The following TTC7B variants were observed in gnomAD, a reference collection of about 807,000 sequenced individuals.
TTC7B encodes tetratricopeptide repeat protein 7B.
Under a neutral mutation model 106.8 loss-of-function variants are expected in TTC7B, and 28 were observed. That is an observed-to-expected ratio of 0.26 (90% CI 0.19 to 0.36). The LOEUF (loss-of-function observed/expected upper bound fraction) is 0.36, where lower values mean the gene tolerates loss of function less well. Among genes scored for constraint, TTC7B ranks in the 10% least tolerant of loss-of-function variants. The pLI, the probability that TTC7B is intolerant of heterozygous loss-of-function variation, is 1.00. For missense variants in TTC7B, 862 were observed against 1,076.4 expected, an observed-to-expected ratio of 0.80 and a Z score of 2.79; for synonymous variants, 405 against 430.6, an observed-to-expected ratio of 0.94 and a Z score of 0.74.
chr14:90,651,986 T>C (rs538287083), intron 13 of TTC7B, among the ~76,000 whole-genome samples: 41 of 152,202 alleles, frequency 2.7e-4, no homozygotes, highest in Non-Finnish European at 4.9e-4. Context: ...ATATTTAAAG[T>C]GACAGGATCA....
intron 6 of TTC7B, among the ~76,000 whole-genome samples, chr14:90,693,102 G>A (rs1486340657): frequency 6.6e-6 from 1 of 152,006 alleles, no homozygotes; most frequent in African/African-American, 2.4e-5. Flanking sequence ...ATCTCCTACA[G>A]CATTTAAAGG....
chr14:90,610,609 GT>G, intron 17 of TTC7B, 132 bp downstream of exon 17: 1 of 683,538 alleles, frequency 1.5e-6, no homozygotes, highest in South Asian at 1.7e-5. Flanking sequence ...ATGCACCTCG[GT>G]TGAGTGTTTA....
At position 90,757,057 on chromosome 14, in the gene TTC7B, T is replaced by C. The variant is rs1486983335; in HGVS notation, c.446-12135A>G. ...GAATGGGAAGAGGCAGAAGAGATCATGGAGTCAGAGACAAACAGTTAGCAG... is the reference window on the plus strand; with the variant it reads ...GAATGGGAAGAGGCAGAAGAGATCACGGAGTCAGAGACAAACAGTTAGCAG... On this transcript the variant is annotated intron_variant, in intron 3 of 19. Transcript: ENST00000328459. The surrounding 1 kb of genome is among the most constrained non-coding windows in gnomAD (Gnocchi z 4.1). 6.6e-6 allele frequency among the ~76,000 whole-genome samples: 1 copy of C among 152,018 alleles called. No individual in the cohort carries two copies. Among genetic ancestry groups the C allele is most frequent in the Non-Finnish European group, 1.5e-5 (1 of 68,000 alleles).
intron 4 of TTC7B, among the ~76,000 whole-genome samples, chr14:90,741,934 C>T (rs950642521): frequency 1.3e-5 from 2 of 152,106 alleles, no homozygotes; most frequent in Admixed American, 6.6e-5. Flanking sequence ...AAAAAGAAAA[C>T]GCCAGAGCCA....
intron 5 of TTC7B, among the ~76,000 whole-genome samples, chr14:90,717,057 C>G (rs1888684194): frequency 6.6e-6 from 1 of 152,060 alleles, no homozygotes. Flanking sequence ...AGAAATAATC[C>G]AGCCAGGCGT....
chr14:90,709,524 CG>C (rs1566848764), intron 5 of TTC7B, among the ~76,000 whole-genome samples: 1 of 100,368 alleles, frequency 1.0e-5, no homozygotes, highest in Non-Finnish European at 1.9e-5. Flanking sequence ...CATCACACAC[CG>C]GGGACTGTTG....
chr14:90,770,072 C>G (rs1047920591), intron 3 of TTC7B, among the ~76,000 whole-genome samples: 2 of 152,072 alleles, frequency 1.3e-5, no homozygotes, highest in Non-Finnish European at 2.9e-5. Context: ...TCTCTTGAGC[C>G]CAGGAGTTCA....
intron 3 of TTC7B, among the ~76,000 whole-genome samples, chr14:90,754,656 C>T (rs1240538650): frequency 6.6e-6 from 1 of 152,104 alleles, no homozygotes; most frequent in African/African-American, 2.4e-5. Context: ...AGTATGTTCA[C>T]ATAGTCGCCA....
At chr14:90,678,128 T>C (rs988753797) in intron 8 of TTC7B, among the ~76,000 whole-genome samples, 39 of 152,340 alleles carry the variant, frequency 2.6e-4, no homozygotes, top group African/African-American at 9.1e-4. Flanking sequence ...ATGCATTCTT[T>C]TCATTTTTAG....
chr14:90,767,067 T>G, intron 3 of TTC7B: 138 of 714,922 alleles, frequency 1.9e-4, no homozygotes, highest in East Asian at 3.0e-4. Context: ...AGAAAAGAAA[T>G]TCTGGGCTGG....
chr14:90,626,040 C>T (rs1166433903), intron 15 of TTC7B, among the ~76,000 whole-genome samples: 1 of 152,212 alleles, frequency 6.6e-6, no homozygotes, highest in East Asian at 1.9e-4. Context: ...TCACCTTAGA[C>T]TTACTGAGTC....
intron 19 of TTC7B, among the ~76,000 whole-genome samples, chr14:90,554,429 CG>C (rs1319460071): frequency 6.6e-6 from 1 of 152,158 alleles, no homozygotes; most frequent in African/African-American, 2.4e-5. Flanking sequence ...GTTCGGGTTC[CG>C]GGGGTGGGGC....
At chr14:90,674,989 G>C (rs1886769919) in intron 9 of TTC7B, 1 of 152,278 alleles carries the variant, frequency 6.6e-6, no homozygotes. Flanking sequence ...TGAAAACAAG[G>C]TCCTAGTATT....
rs1886038420 is a variant in TTC7B at position 90,658,327 on chromosome 14, G to C, written c.1213C>G (p.Leu405Val). 3 of 1,613,930 alleles carry C rather than the reference G, an allele frequency of 1.9e-6. No homozygotes were observed. The highest frequency in any genetic ancestry group is 2.7e-5 in the African/African-American group (2 of 74,932). Residue 405 changes from leucine to valine, a missense_variant, in exon 10 of 20, where the codon CTG becomes GTG. Transcript: ENST00000328459. ...ACTTTTCCAGCAGCCATCAGGGACA[G>C]AGCAAACTGGTACCACAGGTGGAAT... is the stretch of plus-strand genomic sequence containing the variant. ...EEFHLWYQFALSLMAAGKSAR... is the reference protein window; with the variant it reads ...EEFHLWYQFAVSLMAAGKSAR...
intron 18 of TTC7B, among the ~76,000 whole-genome samples, chr14:90,584,858 C>T (rs1392754606): frequency 6.6e-6 from 1 of 152,032 alleles, no homozygotes; most frequent in Non-Finnish European, 1.5e-5. Context: ...GAGGGTGCTC[C>T]TGGAGCCCAC....
In TTC7B at chr14:90,617,910, G is replaced by A. The variant is rs201565363; in HGVS notation, c.1868+19C>T. 7 of 1,600,972 alleles carry A rather than the reference G, an allele frequency of 4.4e-6. No individual in the cohort carries two copies. The highest frequency in any genetic ancestry group is 6.0e-6 in the Non-Finnish European group (7 of 1,168,748). On this transcript the variant is annotated intron_variant, in intron 16 of 19. Transcript: ENST00000328459. ...ACCCATGCAAAAGCCACGCAAAGCA[G>A]GCCCTGCTGGCCTCTTACCTGGGGT...
At chr14:90,610,034 G>T (rs187798450) in intron 17 of TTC7B, among the ~76,000 whole-genome samples, 149 of 152,304 alleles carry the variant, frequency 9.8e-4, no homozygotes, top group Middle Eastern at 6.8e-3. Context: ...GTGTGTATAG[G>T]TGTATATGAA....
chr14:90,547,363 C>T (rs1000698646), intron 19 of TTC7B, among the ~76,000 whole-genome samples: 1 of 152,262 alleles, frequency 6.6e-6, no homozygotes, highest in Non-Finnish European at 1.5e-5. Context: ...GGCTAAACAC[C>T]TTGCCAGACC....
intron 4 of TTC7B, 112 bp downstream of exon 4, chr14:90,744,680 C>A: frequency 8.7e-7 from 1 of 1,150,010 alleles, no homozygotes; most frequent in Non-Finnish European, 1.3e-6. Flanking sequence ...ACAAGTAAAG[C>A]TTTGCACACA....
Sources: gnomAD v4.1 joint callset for allele counts (sites outside exome capture counted in the v4.1 genomes callset) on GRCh38, gnomAD v4.1.1 for gene constraint, Gnocchi (gnomAD v3.1) non-coding constraint, MANE v1.5 for transcripts, NCBI Gene and HGNC (gene_info 2026-07-23, HGNC 2026-07-21) for gene names.